Variants in WDR11 observed in about 807,000 individuals in gnomAD.
The protein encoded by WDR11 is WD repeat-containing protein 11.
Under a neutral mutation model 151.2 loss-of-function variants are expected in WDR11, and 83 were observed. That is an observed-to-expected ratio of 0.55 (90% CI 0.46 to 0.66). The LOEUF is 0.66. Ranked by LOEUF, WDR11 falls within the 30% of genes least tolerant of loss-of-function variation. WDR11 has a pLI of 0.00. For synonymous variants in WDR11, 484 were observed against 533.1 expected, an observed-to-expected ratio of 0.91 and a Z score of 1.27; for missense variants, 1,301 against 1,480.9, an observed-to-expected ratio of 0.88 and a Z score of 1.99.
chr10:120,905,844 G>A (rs762827835), intron 26 of WDR11, 32 bp from the exon 27 acceptor site: 18 of 1,614,150 alleles, frequency 1.1e-5, no homozygotes, highest in Non-Finnish European at 1.4e-5. Flanking sequence ...AGTGCAGGAT[G>A]TTTTTGTTGT....
intron 14 of WDR11, among the ~76,000 whole-genome samples, chr10:120,884,598 C>T (rs1171552891): frequency 6.7e-6 from 1 of 149,002 alleles, no homozygotes; most frequent in Non-Finnish European, 1.5e-5. Flanking sequence ...GAAGCTCAAA[C>T]CAAAAGGCAA....
In WDR11 at chr10:120,903,216, A is replaced by C; in HGVS notation, c.2915A>C (p.Glu972Ala). ...PLDICYDVLC[E>A]NAYFQKFQLE... Reference sequence around the variant, plus strand: ...GATATATGCTATGACGTGCTCTGTGAAAATGCCTACTTTCAGGTAGTCTGC... The same window carrying C: ...GATATATGCTATGACGTGCTCTGTGCAAATGCCTACTTTCAGGTAGTCTGC... The change falls in exon 23 of 29, where the codon GAA (glutamate) becomes GCA (alanine). Residue 972 changes from glutamate to alanine, a missense_variant. This residue lies in a region of WDR11 where 589 missense variants were observed against 670.6 expected (regional missense o/e 0.88). Transcript: ENST00000263461. 6.2e-7 allele frequency: 1 copy of C among 1,614,232 alleles called. No homozygotes were observed. The highest frequency in any genetic ancestry group is 1.1e-5 in the South Asian group (1 of 91,086).
intron 2 of WDR11, among the ~76,000 whole-genome samples, chr10:120,854,802 A>G (rs1845892907): frequency 6.6e-6 from 1 of 152,136 alleles, no homozygotes; most frequent in South Asian, 2.1e-4. Context: ...TCTTTGGAGA[A>G]ATGTCTATGC....
At chr10:120,892,938 T>C (rs1847475908) in intron 19 of WDR11, among the ~76,000 whole-genome samples, 1 of 152,024 alleles carries the variant, frequency 6.6e-6, no homozygotes, top group Admixed American at 6.6e-5. Context: ...TCATGCAGTT[T>C]CCACACCCTT....
intron 13 of WDR11, among the ~76,000 whole-genome samples, 154 bp from the exon 14 acceptor site, chr10:120,883,626 A>T (rs1362677634): frequency 6.6e-6 from 1 of 152,144 alleles, no homozygotes; most frequent in African/African-American, 2.4e-5. Context: ...TTACCTTCTT[A>T]TGACTGTTAA....
In WDR11 at chr10:120,905,928, A is replaced by C; in HGVS notation, c.3344A>C (p.His1115Pro). Residue 1115 changes from histidine to proline, a missense_variant, in exon 27 of 29, where the codon CAC (histidine) becomes CCC (proline). His to Pro is a moderately conservative substitution (Grantham distance 77). Transcript: ENST00000263461. ...CADVLRRWVD[H>P]LCSPQVNQKS... Reference sequence around the variant, plus strand: ...GATGTTTTAAGGCGGTGGGTTGACCACCTTTGTTCTCCACAAGTCAATCAG... The same window carrying C: ...GATGTTTTAAGGCGGTGGGTTGACCCCCTTTGTTCTCCACAAGTCAATCAG... The C allele has an allele frequency of 2.5e-6, 4 of 1,614,052 alleles. No individual in the cohort carries two copies. Among genetic ancestry groups the C allele is most frequent in the Non-Finnish European group, 3.4e-6 (4 of 1,180,004 alleles).
chr10:120,853,310 G>A (rs1159289948), intron 2 of WDR11, among the ~76,000 whole-genome samples: 1 of 151,950 alleles, frequency 6.6e-6, no homozygotes, highest in African/African-American at 2.4e-5. Context: ...CTGTCGCCCA[G>A]GCTGGAGTGC....
In WDR11 at chr10:120,903,182, A is replaced by G; in HGVS notation, c.2881A>G (p.Asn961Asp). Residue 961 changes from asparagine to aspartate, a missense_variant, in exon 23 of 29, where the codon AAC (asparagine) becomes GAC (aspartate). Physicochemically the swap from Asn to Asp is conservative, Grantham distance 23. Coordinates refer to ENST00000263461, the MANE Select transcript of WDR11 (RefSeq NM_018117.12). ...AGCTGCTCCTCGAGACAAACTGAGCAACCCACTGGATATATGCTATGACGT... is the reference window on the plus strand; with the variant it reads ...AGCTGCTCCTCGAGACAAACTGAGCGACCCACTGGATATATGCTATGACGT... ...KEAAPRDKLSNPLDICYDVLC... is the reference protein window; with the variant it reads ...KEAAPRDKLSDPLDICYDVLC... The G allele has an allele frequency of 6.2e-7, 1 of 1,614,246 alleles. No homozygotes were observed. The highest frequency in any genetic ancestry group is 8.5e-7 in the Non-Finnish European group (1 of 1,180,040).
intron 16 of WDR11, among the ~76,000 whole-genome samples, chr10:120,888,449 C>T (rs1275681943): frequency 6.6e-5 from 10 of 152,194 alleles, no homozygotes; most frequent in Non-Finnish European, 1.3e-4. Flanking sequence ...TCTATTAGAA[C>T]TGCAAGTTCC....
At chr10:120,867,259 C>T in intron 9 of WDR11, 90 bp downstream of exon 9, 1 of 961,710 alleles carries the variant, frequency 1.0e-6, no homozygotes, top group East Asian at 2.5e-5. Flanking sequence ...ATTTTAAAGT[C>T]AAAAAAGTTA....
chr10:120,903,491 CAG>C (rs1268894391), intron 23 of WDR11, among the ~76,000 whole-genome samples: 1 of 144,876 alleles, frequency 6.9e-6, no homozygotes, highest in Non-Finnish European at 1.5e-5. Context: ...GCCTGGGCAA[CAG>C]AGCAAGACTC....
rs530283663 is a variant in WDR11, at chr10:120,859,945, G to C, written c.353-164G>C. Among the ~76,000 whole-genome samples, 4 of 108,250 alleles carry C rather than the reference G, an allele frequency of 3.7e-5. No individual in the cohort carries two copies. The South Asian group carries it at 8.7e-4, about 24-fold the overall frequency. The allele number at this position is 108,250 out of a possible 152,430, so 71.0% of individuals were successfully genotyped here. On this transcript the variant is annotated intron_variant, in intron 3 of 28. Coordinates refer to ENST00000263461, the MANE Select transcript of WDR11 (RefSeq NM_018117.12). ...TTATATAGAATTAGTTTTTTCTCTGGAATATTGATACACACACACACACAC... is the reference window on the plus strand; with the variant it reads ...TTATATAGAATTAGTTTTTTCTCTGCAATATTGATACACACACACACACAC...
At chr10:120,859,294 G>C (rs1471038640) in intron 3 of WDR11, among the ~76,000 whole-genome samples, 1 of 140,236 alleles carries the variant, frequency 7.1e-6, no homozygotes, top group Non-Finnish European at 1.5e-5. Flanking sequence ...TTGAGATGGA[G>C]TGTCGCTCTG....
At chr10:120,868,905 A>G (rs17501806) in intron 9 of WDR11, 33,803 of 152,084 alleles carry the variant, frequency 0.22, 3,978 homozygotes, top group African/African-American at 0.27. Flanking sequence ...CCATATGAGG[A>G]AGCCTGGACA....
intron 19 of WDR11, among the ~76,000 whole-genome samples, chr10:120,898,743 T>G (rs1847702129): frequency 6.6e-6 from 1 of 152,206 alleles, no homozygotes. Flanking sequence ...AGATGTGCCT[T>G]GCTTCCCCTT....
At chr10:120,859,978 C>T (rs1198590649) in intron 3 of WDR11, 131 bp from the exon 4 acceptor site, 42 of 887,608 alleles carry the variant, frequency 4.7e-5, no homozygotes, top group South Asian at 7.2e-5. Flanking sequence ...CACACACACA[C>T]GTCACATTTG....
chr10:120,886,664 T>A, intron 15 of WDR11, 25 bp from the exon 16 acceptor site: 1 of 1,611,490 alleles, frequency 6.2e-7, no homozygotes, highest in Non-Finnish European at 8.5e-7. Context: ...AAAACATCTT[T>A]ATCATATGTT....
chr10:120,889,028 C>A, intron 16 of WDR11, 50 bp from the exon 17 acceptor site: 1 of 1,308,088 alleles, frequency 7.6e-7, no homozygotes, highest in South Asian at 1.2e-5. Context: ...ATTATAATGT[C>A]TTATACAGCA....
In WDR11 at chr10:120,851,498, G is replaced by A; in HGVS notation, c.78G>A (p.Ala26=). ...CCCTCAACGCCCACAACAAGGCGGC[G>A]GTGGACTGGTGAGGACGCCGAGCTT... ...TGALNAHNKA[A]VDWGWQGLIA... The change falls in exon 1 of 29, where the codon GCG becomes GCA. Residue 26 remains alanine, a synonymous_variant. Transcript: ENST00000263461. The A allele has an allele frequency of 6.2e-7, 1 of 1,610,934 alleles. No homozygotes were observed. The highest frequency in any genetic ancestry group is 1.1e-5 in the South Asian group (1 of 90,282).
Sources: gnomAD v4.1 joint callset for allele counts (sites outside exome capture counted in the v4.1 genomes callset) on GRCh38, gnomAD v4.1.1 for gene constraint, gnomAD v4.1.1 regional missense constraint, MANE v1.5 for transcripts, NCBI Gene and HGNC (gene_info 2026-07-23, HGNC 2026-07-21) for gene names.